The following FSTL4 variants were observed in gnomAD, a reference collection of about 807,000 sequenced individuals.
The protein encoded by FSTL4 is follistatin like 4, also known as follistatin-related protein 4.
Under a neutral mutation model 78.2 loss-of-function variants are expected in FSTL4, and 28 were observed. The ratio of observed to expected loss-of-function variants is 0.36; its 90% CI spans 0.27 to 0.49. The LOEUF (loss-of-function observed/expected upper bound fraction) is 0.49, where lower values mean the gene tolerates loss of function less well. FSTL4 is among the 20% of genes least tolerant of loss of function. FSTL4 has a pLI of 0.98. For missense variants in FSTL4, 922 were observed against 1,084.9 expected (o/e 0.85, Z 2.11); for synonymous variants, 422 against 440.5 (o/e 0.96, Z 0.53).
the FSTL4 span, among the ~76,000 whole-genome samples, chr5:133,694,028 T>C: frequency 2.6e-5 from 4 of 152,248 alleles, 1 homozygote; most frequent in African/African-American, 9.6e-5. Context: ...CTCTAGGTAT[T>C]ACTCAATCCA....
intron 3 of FSTL4, among the ~76,000 whole-genome samples, chr5:133,555,949 A>G (rs1412848474): frequency 1.3e-5 from 2 of 152,156 alleles, no homozygotes; most frequent in African/African-American, 4.8e-5. Flanking sequence ...CCCACAACGC[A>G]TTGCCCAGAC....
rs1241124058 is a variant in FSTL4, at chr5:133,225,966, C to A, written c.1016-147G>T. ...TTTAACCAAATTATAATAATCCTGT[C>A]CAGCAACGCAAGCTCTAAAAGAAAG... is the stretch of plus-strand genomic sequence containing the variant. On this transcript the variant is annotated intron_variant, in intron 8 of 15. Coordinates refer to ENST00000265342, the MANE Select transcript of FSTL4 (RefSeq NM_015082.2). This position sits in a 1 kb window ranked among gnomAD's most constrained non-coding sequence, Gnocchi z 4.6. 2 of 518,924 alleles carry A rather than the reference C, an allele frequency of 3.9e-6. No individual in the cohort carries two copies. The highest frequency in any genetic ancestry group is 3.3e-6 in the Non-Finnish European group (1 of 299,458). The allele number at this position is 518,924 out of a possible 1,614,324, so 32.1% of individuals were successfully genotyped here.
chr5:133,288,976 G>A (rs1161720660), intron 6 of FSTL4, among the ~76,000 whole-genome samples: 9 of 152,166 alleles, frequency 5.9e-5, no homozygotes, highest in South Asian at 4.1e-4. Context: ...CCATCCTCCC[G>A]TCTCTGCAGC....
At chr5:133,290,369 A>T (rs1000142624) in intron 6 of FSTL4, among the ~76,000 whole-genome samples, 1 of 152,156 alleles carries the variant, frequency 6.6e-6, no homozygotes, top group African/African-American at 2.4e-5. Flanking sequence ...AGGAAAATGG[A>T]GCTGGGGGCA....
chr5:133,251,110 C>G (rs1185171578), intron 6 of FSTL4, among the ~76,000 whole-genome samples: 1 of 152,240 alleles, frequency 6.6e-6, no homozygotes, highest in Non-Finnish European at 1.5e-5. Context: ...TCACTACCCT[C>G]CCATCTCCGA....
intron 1 of FSTL4, among the ~76,000 whole-genome samples, chr5:133,604,838 AC>A (rs1760943248): frequency 6.6e-6 from 1 of 151,466 alleles, no homozygotes; most frequent in African/African-American, 2.4e-5. Context: ...TTCAAGACCA[AC>A]CATTTTTTGT....
At position 133,452,870 on chromosome 5, in the gene FSTL4, T is replaced by C. The variant is rs138336094; in HGVS notation, c.161-51884A>G. Among the ~76,000 whole-genome samples, 971 of 152,364 alleles carry C rather than the reference T, an allele frequency of 6.4e-3. 9 individuals are homozygous for C. The highest frequency in any genetic ancestry group is 0.022 in the African/African-American group (902 of 41,584). ...AGACTACATCTAAAAGACAGGATGA[T>C]GACAGTTCTTTATTGCAGGCGCACT... is the stretch of plus-strand genomic sequence containing the variant. On this transcript the variant is annotated intron_variant, in intron 3 of 15. Coordinates refer to ENST00000265342, the MANE Select transcript of FSTL4 (RefSeq NM_015082.2).
intron 3 of FSTL4, among the ~76,000 whole-genome samples, chr5:133,441,426 G>A (rs1353927017): frequency 6.6e-6 from 1 of 152,150 alleles, no homozygotes; most frequent in Non-Finnish European, 1.5e-5. Flanking sequence ...GAAACAATGA[G>A]AGCACTGCCA....
chr5:133,466,797 G>A (rs1757717167), intron 3 of FSTL4, among the ~76,000 whole-genome samples: 1 of 152,206 alleles, frequency 6.6e-6, no homozygotes, highest in Non-Finnish European at 1.5e-5. Context: ...TAAGTCCTAA[G>A]CCCAGCACGC....
At chr5:133,715,503 C>G in the FSTL4 span, among the ~76,000 whole-genome samples, 1 of 152,148 alleles carries the variant, frequency 6.6e-6, no homozygotes, top group Non-Finnish European at 1.5e-5. Flanking sequence ...TTTGCACAGA[C>G]AGAAAGGCAT....
chr5:133,544,374 G>T (rs1224595361), intron 3 of FSTL4, among the ~76,000 whole-genome samples: 1 of 151,918 alleles, frequency 6.6e-6, no homozygotes, highest in Non-Finnish European at 1.5e-5. Context: ...ATATTTGATG[G>T]TATAAAGTTC....
chr5:133,492,964 C>G (rs962020653), intron 3 of FSTL4, among the ~76,000 whole-genome samples: 11 of 151,932 alleles, frequency 7.2e-5, no homozygotes, highest in Non-Finnish European at 1.2e-4. Flanking sequence ...CAACAATTCT[C>G]TCTTCAGCTG....
intron 6 of FSTL4, among the ~76,000 whole-genome samples, chr5:133,268,223 C>G (rs1440375235): frequency 6.6e-6 from 1 of 152,116 alleles, no homozygotes; most frequent in East Asian, 1.9e-4. Flanking sequence ...AGAGCGGAGG[C>G]TAGATTCCCC....
rs10671234 is a variant in FSTL4 at position 133,514,182 on chromosome 5, GATAATAATA to G, written c.160+52995_160+53003del. Among the ~76,000 whole-genome samples the G allele has an allele frequency of 9.6e-4, 112 of 116,632 alleles. 1 individual carries two copies. The East Asian group carries it at 0.021, about 22-fold the overall frequency. 76.5% of individuals were successfully genotyped at this position (116,632 alleles called of 152,430 possible). On this transcript the variant is annotated intron_variant, in intron 3 of 15. Transcript: ENST00000265342. ...CTAAAGAGCAAGACTCCGTCTCAAT[GATAATAATA>G]ATAATAATAATAATAATAATAATAA... is the stretch of plus-strand genomic sequence containing the variant.
intron 4 of FSTL4, among the ~76,000 whole-genome samples, chr5:133,337,330 C>T (rs1237064791): frequency 6.6e-6 from 1 of 151,540 alleles, no homozygotes; most frequent in Non-Finnish European, 1.5e-5. Flanking sequence ...GGCTGTTAAG[C>T]GTCCTCTGCA....
intron 3 of FSTL4, among the ~76,000 whole-genome samples, chr5:133,408,461 T>C (rs546318338): frequency 4.4e-4 from 67 of 151,886 alleles, no homozygotes; most frequent in African/African-American, 1.4e-3. Flanking sequence ...AACTTTCTCC[T>C]GGGAAAGTCC....
the FSTL4 span, among the ~76,000 whole-genome samples, chr5:133,722,818 C>A: frequency 6.6e-6 from 1 of 152,126 alleles, no homozygotes; most frequent in African/African-American, 2.4e-5. Context: ...GCTTTCATTT[C>A]ATGTGGGTGA....
In FSTL4 at chr5:133,338,910, CAGG is replaced by C. The variant is rs1402909939; in HGVS notation, c.410-22261_410-22259del. Among the ~76,000 whole-genome samples the C allele has an allele frequency of 1.3e-5, 2 of 152,134 alleles. No individual in the cohort carries two copies. Among genetic ancestry groups the C allele is most frequent in the Non-Finnish European group, 2.9e-5 (2 of 68,034 alleles). On this transcript the variant is annotated intron_variant, in intron 4 of 15. Transcript: ENST00000265342. This position sits in a 1 kb window ranked among gnomAD's most constrained non-coding sequence, Gnocchi z 4.0. ...CACTCCTACCACCTCTGCTGTAGTTCAGGAAGCCATTAACACCCCCGGATGACC... is the reference window on the plus strand; with the variant it reads ...CACTCCTACCACCTCTGCTGTAGTTCAAGCCATTAACACCCCCGGATGACC...
chr5:133,631,308 A>C, the FSTL4 span, among the ~76,000 whole-genome samples: 1 of 152,112 alleles, frequency 6.6e-6, no homozygotes, highest in Non-Finnish European at 1.5e-5. Flanking sequence ...ACAAGAAAAA[A>C]AAAAACAACC....
Sources: gnomAD v4.1 joint callset for allele counts (sites outside exome capture counted in the v4.1 genomes callset) on GRCh38, gnomAD v4.1.1 for gene constraint, Gnocchi (gnomAD v3.1) non-coding constraint, MANE v1.5 for transcripts, NCBI Gene and HGNC (gene_info 2026-07-23, HGNC 2026-07-21) for gene names.